KNTC1: variants seen among roughly 807,000 people sequenced by gnomAD.
KNTC1 encodes kinetochore-associated protein 1.
In KNTC1, 253 loss-of-function variants were observed where a neutral mutation model predicts 314.4. The observed-to-expected ratio is 0.80, with a 90% CI of 0.73 to 0.89. KNTC1 has a LOEUF of 0.89. Among genes scored for constraint, KNTC1 ranks in the 40% least tolerant of loss-of-function variants. KNTC1 has a pLI of 0.00. For synonymous variants in KNTC1, 901 were observed against 901.4 expected (o/e 1.00, Z 0.01); for missense variants, 2,475 against 2,572.9 (o/e 0.96, Z 0.82).
intron 31 of KNTC1, 70 bp downstream of exon 31, chr12:122,577,861 G>A: frequency 1.4e-6 from 2 of 1,406,428 alleles, no homozygotes; most frequent in Non-Finnish European, 1.9e-6. Context: ...GGATAGAAAA[G>A]ATGGACTTAC....
chr12:122,607,750 C>T (rs60586933), intron 51 of KNTC1, among the ~76,000 whole-genome samples: 5,375 of 152,182 alleles, frequency 0.035, 343 homozygotes, highest in African/African-American at 0.12. Context: ...CCCCTGCACA[C>T]CTGATTTATT....
chr12:122,584,311 T>C lies in KNTC1; in HGVS notation c.3297T>C (p.Thr1099=). ...DLFKYHCNAD[T]GKLLFLTCQK... ...TTAAGTATCACTGCAATGCTGACACTGGGAAATTGCTATTTCTGACATGTC... is the reference window on the plus strand; with the variant it reads ...TTAAGTATCACTGCAATGCTGACACCGGGAAATTGCTATTTCTGACATGTC... Residue 1099 remains threonine (T), a synonymous_variant, in exon 35 of 64, where the codon ACT becomes ACC. Coordinates refer to ENST00000333479, the MANE Select transcript of KNTC1 (RefSeq NM_014708.6). 1 of 1,613,532 alleles carries C rather than the reference T, an allele frequency of 6.2e-7. No homozygotes were observed. Among genetic ancestry groups the C allele is most frequent in the Admixed American group, 1.7e-5 (1 of 59,982 alleles).
In KNTC1 at chr12:122,613,281, T is replaced by C. The variant is rs897918848; in HGVS notation, c.5741+51T>C. On this transcript the variant is annotated intron_variant, in intron 54 of 63. Coordinates refer to ENST00000333479, the MANE Select transcript of KNTC1 (RefSeq NM_014708.6). Reference sequence around the variant, plus strand: ...TAAGAAATAGGAAACAGATCATTTTTTGGAGCTGTACCTTTTAAGCCCTGA... The same window carrying C: ...TAAGAAATAGGAAACAGATCATTTTCTGGAGCTGTACCTTTTAAGCCCTGA... 6 of 1,236,068 alleles carry C rather than the reference T, an allele frequency of 4.9e-6. No individual in the cohort carries two copies. In the African/African-American group the frequency reaches 9.0e-5, roughly 18 times the overall value. 76.6% of individuals were successfully genotyped at this position (1,236,068 alleles called of 1,614,324 possible). A position where few individuals can be genotyped will look rare whatever the true frequency, so the allele number is the denominator to read the frequency against.
In KNTC1 at chr12:122,602,830, T is replaced by C; in HGVS notation, c.4827T>C (p.Ser1609=). ...GTAQNFWKIL[S]TELSEESFPT... ...GTACTTTCCTTGTTTCCTTTCTAGCTACAGAACTCAGTGAAGAATCTTTCC... is the reference window on the plus strand; with the variant it reads ...GTACTTTCCTTGTTTCCTTTCTAGCCACAGAACTCAGTGAAGAATCTTTCC... The change falls in exon 47 of 64, where the codon TCT becomes TCC. Residue 1609 remains serine (S), a splice_region_variant and synonymous_variant. Transcript: ENST00000333479. The C allele has an allele frequency of 6.2e-7, 1 of 1,613,098 alleles. No homozygotes were observed. The highest frequency in any genetic ancestry group is 8.5e-7 in the Non-Finnish European group (1 of 1,179,228).
intron 50 of KNTC1, 71 bp downstream of exon 50, chr12:122,605,158 G>A: frequency 7.4e-7 from 1 of 1,343,044 alleles, no homozygotes; most frequent in South Asian, 1.3e-5. Flanking sequence ...ATGTATATAT[G>A]TACGTGTACA....
At chr12:122,553,382 CAGTCGTGCATGCTGGT>C (rs1219358177) in intron 16 of KNTC1, among the ~76,000 whole-genome samples, 1 of 151,536 alleles carries the variant, frequency 6.6e-6, no homozygotes, top group Non-Finnish European at 1.5e-5. Context: ...GAGCTGAGCA[CAGTCGTGCATGCTGGT>C]AGTCCTAGCT....
chr12:122,590,523 A>G (rs553087618), intron 40 of KNTC1, 84 bp from the exon 41 acceptor site: 1 of 1,289,006 alleles, frequency 7.8e-7, no homozygotes, highest in East Asian at 2.5e-5. Flanking sequence ...ATTCCTCTTT[A>G]TTTGTATTTC....
At chr12:122,558,121 G>A (rs1357635303) in intron 18 of KNTC1, among the ~76,000 whole-genome samples, 3 of 151,948 alleles carry the variant, frequency 2.0e-5, no homozygotes, top group East Asian at 1.9e-4. Flanking sequence ...GTGGTGGCAC[G>A]TGCCTGTAGT....
intron 48 of KNTC1, 135 bp from the exon 49 acceptor site, chr12:122,604,429 G>A (rs1042617174): frequency 8.9e-6 from 4 of 448,032 alleles, no homozygotes; most frequent in African/African-American, 6.1e-5. Flanking sequence ...TTACAAATAT[G>A]AGCCACTGTG....
intron 40 of KNTC1, 125 bp downstream of exon 40, chr12:122,588,941 A>G (rs1869765081): frequency 2.0e-6 from 1 of 509,564 alleles, no homozygotes; most frequent in Non-Finnish European, 3.4e-6. Context: ...AAACTTCAAG[A>G]AACTGTCTTA....
chr12:122,613,933 C>T (rs953119420), intron 55 of KNTC1, among the ~76,000 whole-genome samples, 172 bp downstream of exon 55: 29 of 152,174 alleles, frequency 1.9e-4, no homozygotes, highest in African/African-American at 6.3e-4. Context: ...CTCCATCTCC[C>T]GGGTTCAAGC....
chr12:122,530,215 TTTCA>T (rs1961202524), intron 2 of KNTC1, 23 bp downstream of exon 2: 3 of 1,605,730 alleles, frequency 1.9e-6, no homozygotes, highest in Non-Finnish European at 2.6e-6. Context: ...ACACTGACTG[TTTCA>T]TTCACAGAAT....
intron 48 of KNTC1, among the ~76,000 whole-genome samples, chr12:122,603,617 C>T (rs1339532836): frequency 3.9e-5 from 6 of 152,054 alleles, no homozygotes; most frequent in Admixed American, 2.0e-4. Context: ...CTCAGTCCCC[C>T]GAGTAGCTGG....
In KNTC1 at chr12:122,575,600, G is replaced by A. The variant is rs1204630767; in HGVS notation, c.2440G>A (p.Ala814Thr). Residue 814 changes from alanine to threonine, a missense_variant, in exon 28 of 64, where the codon GCT becomes ACT. By Grantham distance (58) the Ala-to-Thr change is moderately conservative. Coordinates refer to ENST00000333479, the MANE Select transcript of KNTC1 (RefSeq NM_014708.6). ...MYAAVVPWSA[A>T]VEQLVKQHLE... is the part of the protein sequence containing the mutation. ...TGCGGCAGTGGTTCCTTGGAGTGCAGCTGTGGAGCAACTGGTGAAACAGCA... is the reference window on the plus strand; with the variant it reads ...TGCGGCAGTGGTTCCTTGGAGTGCAACTGTGGAGCAACTGGTGAAACAGCA... 6.3e-7 allele frequency: 1 copy of A among 1,598,736 alleles called. No homozygotes were observed. The highest frequency in any genetic ancestry group is 8.5e-7 in the Non-Finnish European group (1 of 1,172,416).
intron 3 of KNTC1, among the ~76,000 whole-genome samples, chr12:122,536,679 C>G (rs1961866723): frequency 6.6e-6 from 1 of 151,770 alleles, no homozygotes; most frequent in Non-Finnish European, 1.5e-5. Flanking sequence ...GCCACCATGC[C>G]TGGTAATTTT....
chr12:122,543,318 G>C (rs1037220214), intron 6 of KNTC1, among the ~76,000 whole-genome samples: 3 of 152,208 alleles, frequency 2.0e-5, no homozygotes, highest in Non-Finnish European at 4.4e-5. Context: ...AGCTAGAAAC[G>C]TAAGAGCTAT....
chr12:122,579,937 A>T lies in KNTC1; in HGVS notation c.2874A>T (p.Thr958=). ...CCTGGAGAATGTCTGTAGCGAAGAC[A>T]TCCGTGGACATTCTTAAGATACTAT... ...GKAWRMSVAK[T]SVDILKILCD... The change falls in exon 32 of 64, where the codon ACA becomes ACT. Residue 958 remains threonine (T), a synonymous_variant. Transcript: ENST00000333479. 1 of 1,611,310 alleles carries T rather than the reference A, an allele frequency of 6.2e-7. No individual in the cohort carries two copies. The highest frequency in any genetic ancestry group is 8.5e-7 in the Non-Finnish European group (1 of 1,177,648).
intron 2 of KNTC1, among the ~76,000 whole-genome samples, chr12:122,532,206 CTTTTTTTTTTTTTTTT>C (rs139344183): frequency 1.0e-5 from 1 of 99,554 alleles, no homozygotes; most frequent in Non-Finnish European, 2.0e-5. Flanking sequence ...GCTAATTTTT[CTTTTTTTTTTTTTTTT>C]TTTTTGAGAC....
chr12:122,622,058 T>A, intron 61 of KNTC1, 88 bp downstream of exon 61: 4 of 895,366 alleles, frequency 4.5e-6, no homozygotes, highest in Non-Finnish European at 7.1e-6. Flanking sequence ...AGCTGAAAAC[T>A]GCTATGTCTA....
Sources: gnomAD v4.1 joint callset for allele counts (sites outside exome capture counted in the v4.1 genomes callset) on GRCh38, gnomAD v4.1.1 for gene constraint, MANE v1.5 for transcripts, NCBI Gene and HGNC (gene_info 2026-07-23, HGNC 2026-07-21) for gene names.